Variants in RALYL observed in about 807,000 individuals in gnomAD.
RALYL encodes RALY RNA binding protein like.
Under a neutral mutation model 35.1 loss-of-function variants are expected in RALYL, and 29 were observed. The ratio of observed to expected loss-of-function variants is 0.83; its 90% CI spans 0.61 to 1.13. The LOEUF (loss-of-function observed/expected upper bound fraction) is 1.13. Among genes scored for constraint, RALYL ranks in the 50% most tolerant of loss-of-function variants. The pLI is 0.00. For missense variants in RALYL, 359 were observed against 360.4 expected (o/e 1.00, Z 0.03); for synonymous variants, 120 against 127.6 (o/e 0.94, Z 0.40).
At chr8:84,911,583 G>A (rs113040284) in intron 8 of RALYL, among the ~76,000 whole-genome samples, 30 of 152,142 alleles carry the variant, frequency 2.0e-4, no homozygotes, top group African/African-American at 6.3e-4. Flanking sequence ...ATACCAACTG[G>A]GTGTCCTATA....
At position 84,408,827 on chromosome 8, in the gene RALYL, G is replaced by T. The variant is rs116304644; in HGVS notation, c.-23-120472G>T. ...CATACTAGCACTAAAATATTATTCTGTATTTACCTGAAATTTAAATTTAAC... is the reference window on the plus strand; with the variant it reads ...CATACTAGCACTAAAATATTATTCTTTATTTACCTGAAATTTAAATTTAAC... On this transcript the variant is annotated intron_variant, in intron 1 of 8. Coordinates refer to ENST00000521268, the MANE Select transcript of RALYL (RefSeq NM_173848.7). Among the ~76,000 whole-genome samples, 754 of 152,012 alleles carry T rather than the reference G, an allele frequency of 5.0e-3. 10 individuals carry two copies. Among genetic ancestry groups the T allele is most frequent in the African/African-American group, 0.016 (675 of 41,472 alleles).
At chr8:84,327,185 A>G (rs542446119) in intron 1 of RALYL, among the ~76,000 whole-genome samples, 5 of 152,278 alleles carry the variant, frequency 3.3e-5, no homozygotes, top group African/African-American at 1.2e-4. Flanking sequence ...TGATTAACTC[A>G]GTTTGGGGTG....
At chr8:84,489,315 C>A (rs781684392) in intron 1 of RALYL, among the ~76,000 whole-genome samples, 1 of 151,932 alleles carries the variant, frequency 6.6e-6, no homozygotes, top group African/African-American at 2.4e-5. Flanking sequence ...AGTTCAGAAA[C>A]CTGTGAGTTA....
At chr8:84,868,001 T>C (rs954715818) in intron 6 of RALYL, among the ~76,000 whole-genome samples, 3 of 152,176 alleles carry the variant, frequency 2.0e-5, no homozygotes, top group Non-Finnish European at 4.4e-5. Context: ...TCTCTTTTTT[T>C]TGTATTTTAT....
chr8:84,271,720 A>G (rs1016959536), intron 1 of RALYL, among the ~76,000 whole-genome samples: 1 of 151,998 alleles, frequency 6.6e-6, no homozygotes, highest in African/African-American at 2.4e-5. Flanking sequence ...ATTATGCCAA[A>G]CAGAAGGTGC....
chr8:84,277,908 G>A (rs1269621905), intron 1 of RALYL, among the ~76,000 whole-genome samples: 3 of 152,256 alleles, frequency 2.0e-5, no homozygotes, highest in Non-Finnish European at 2.9e-5. Context: ...CTGGCATTGA[G>A]TGTCTGTGGC....
intron 2 of RALYL, among the ~76,000 whole-genome samples, chr8:84,697,684 C>T (rs920606569): frequency 5.3e-5 from 8 of 151,974 alleles, no homozygotes; most frequent in Non-Finnish European, 1.2e-4. Flanking sequence ...TATTTCATCA[C>T]CCAGGTATTA....
At chr8:84,192,957 ACT>A (rs1486907214) in intron 1 of RALYL, among the ~76,000 whole-genome samples, 2 of 150,714 alleles carry the variant, frequency 1.3e-5, no homozygotes, top group Non-Finnish European at 2.9e-5. Context: ...TTGTTAACCA[ACT>A]TTAAATCAGG....
chr8:84,215,344 G>A (rs1044410537), intron 1 of RALYL, among the ~76,000 whole-genome samples: 2 of 151,790 alleles, frequency 1.3e-5, no homozygotes, highest in Non-Finnish European at 2.9e-5. Context: ...TATTGAAATG[G>A]CCATCAGCAC....
chr8:84,359,194 G>C (rs1006305546), intron 1 of RALYL, among the ~76,000 whole-genome samples: 1 of 150,852 alleles, frequency 6.6e-6, no homozygotes, highest in Admixed American at 6.6e-5. Context: ...CAGGGTGGGG[G>C]TTTGGAGGGA....
At chr8:84,417,636 G>A (rs993617502) in intron 1 of RALYL, among the ~76,000 whole-genome samples, 1 of 151,818 alleles carries the variant, frequency 6.6e-6, no homozygotes, top group African/African-American at 2.4e-5. Flanking sequence ...ACTACAATGG[G>A]AAATAACTGT....
intron 2 of RALYL, among the ~76,000 whole-genome samples, chr8:84,612,550 C>CAAGCATTTGCTTGTCTGTAAAGTATTCTA (rs1564235368): frequency 3.3e-5 from 5 of 151,940 alleles, no homozygotes; most frequent in African/African-American, 9.7e-5. Context: ...TGTTACTCTA[C>CAAGCATTTGCTTGTCTGTAAAGTATTCTA]TCCAGAAGAG....
intron 1 of RALYL, among the ~76,000 whole-genome samples, chr8:84,449,028 T>C (rs2133140318): frequency 6.6e-6 from 1 of 151,962 alleles, no homozygotes; most frequent in Admixed American, 6.6e-5. Context: ...GATAATGGAA[T>C]GTGAGTATTA....
chr8:84,471,031 T>C (rs550508599), intron 1 of RALYL, among the ~76,000 whole-genome samples: 1 of 152,314 alleles, frequency 6.6e-6, no homozygotes, highest in East Asian at 1.9e-4. Context: ...TTGCCTCTTT[T>C]CTGTAACATT....
At chr8:84,722,647 A>ATG (rs1554546419) in intron 2 of RALYL, among the ~76,000 whole-genome samples, 3 of 135,402 alleles carry the variant, frequency 2.2e-5, no homozygotes, top group Non-Finnish European at 4.7e-5. Flanking sequence ...ATATATATAT[A>ATG]TGTATGTATA....
At chr8:84,727,039 T>A (rs1289256643) in intron 2 of RALYL, among the ~76,000 whole-genome samples, 1 of 152,018 alleles carries the variant, frequency 6.6e-6, no homozygotes, top group Admixed American at 6.6e-5. Context: ...CAGATGAAGC[T>A]TGGAAGACAC....
chr8:84,667,402 T>A (rs1263654850), intron 2 of RALYL, among the ~76,000 whole-genome samples: 3 of 152,134 alleles, frequency 2.0e-5, no homozygotes, highest in Non-Finnish European at 4.4e-5. Flanking sequence ...AGTGGTTATT[T>A]TCTTTTACTC....
At chr8:84,526,726 A>ACT (rs1564088153) in intron 1 of RALYL, among the ~76,000 whole-genome samples, 1 of 152,030 alleles carries the variant, frequency 6.6e-6, no homozygotes, top group Non-Finnish European at 1.5e-5. Context: ...TATCTCCTCA[A>ACT]CTCAGTAGGG....
At chr8:84,491,225 C>T (rs919951988) in intron 1 of RALYL, among the ~76,000 whole-genome samples, 3 of 152,018 alleles carry the variant, frequency 2.0e-5, no homozygotes, top group Admixed American at 1.3e-4. Flanking sequence ...CTATCCCCTA[C>T]ACATACAGCT....
Sources: gnomAD v4.1 joint callset for allele counts (sites outside exome capture counted in the v4.1 genomes callset) on GRCh38, gnomAD v4.1.1 for gene constraint, MANE v1.5 for transcripts, NCBI Gene and HGNC (gene_info 2026-07-23, HGNC 2026-07-21) for gene names.